The following CDH8 variants were observed in gnomAD, a reference collection of about 807,000 sequenced individuals.
CDH8 encodes cadherin-8.
A neutral mutation model predicts 68.1 loss-of-function variants in CDH8; 17 were observed. The observed-to-expected ratio is 0.25, with a 90% CI of 0.17 to 0.37. The LOEUF is 0.37. Among genes scored for constraint, CDH8 ranks in the 10% least tolerant of loss-of-function variants. The pLI, the probability that CDH8 is intolerant of heterozygous loss-of-function variation, is 1.00. For synonymous variants in CDH8, 372 were observed against 365.1 expected, an observed-to-expected ratio of 1.02 and a Z score of -0.21; for missense variants, 763 against 999.3, an observed-to-expected ratio of 0.76 and a Z score of 3.19.
chr16:61,883,762 G>A (rs1052996811), intron 3 of CDH8, among the ~76,000 whole-genome samples: 1 of 151,716 alleles, frequency 6.6e-6, no homozygotes, highest in Non-Finnish European at 1.5e-5. Flanking sequence ...ACAAGACCTC[G>A]AGAGAGTGAA....
intron 3 of CDH8, among the ~76,000 whole-genome samples, chr16:61,899,498 G>A (rs991856409): frequency 6.6e-6 from 1 of 151,904 alleles, no homozygotes; most frequent in African/African-American, 2.4e-5. Flanking sequence ...AAAAGGAAAC[G>A]GCAAGGGGAT....
chr16:61,909,754 T>C (rs546691503), intron 2 of CDH8, among the ~76,000 whole-genome samples: 1 of 152,292 alleles, frequency 6.6e-6, no homozygotes, highest in African/African-American at 2.4e-5. Context: ...TCTAGGCACC[T>C]TCTGTAAACC....
chr16:62,005,492 CT>C (rs1965959467), intron 2 of CDH8, among the ~76,000 whole-genome samples: 1 of 151,102 alleles, frequency 6.6e-6, no homozygotes, highest in African/African-American at 2.4e-5. Context: ...AATCCCAGCA[CT>C]TTGGGAGGCT....
chr16:61,755,042 A>G lies in CDH8; in HGVS notation c.1415-27827T>C, dbSNP rs1023702353. Among the ~76,000 whole-genome samples the G allele has an allele frequency of 2.0e-5, 3 of 152,178 alleles. No homozygotes were observed. The East Asian group carries it at 5.8e-4, about 29-fold the overall frequency. The stretch of plus-strand genomic sequence containing the variant: ...CAGTATTTAGTTTTCCAAGAGCAGT[A>G]TATTTTGCTTAATGTAAAATATAAT... On this transcript the variant is annotated intron_variant, in intron 8 of 11. Coordinates refer to ENST00000577390, the MANE Select transcript of CDH8 (RefSeq NM_001796.5).
chr16:61,988,636 G>A lies in CDH8; in HGVS notation c.252+32516C>T, dbSNP rs561701705. 3.3e-5 allele frequency among the ~76,000 whole-genome samples: 5 copies of A among 152,140 alleles called. No homozygotes were observed. The South Asian group carries it at 1.0e-3, about 32-fold the overall frequency. ...AAAGGTACAAGTTCAGATGATAGAGGATCCTTTACTAAATAAACACAAAAC... is the reference window on the plus strand; with the variant it reads ...AAAGGTACAAGTTCAGATGATAGAGAATCCTTTACTAAATAAACACAAAAC... On this transcript the variant is annotated intron_variant, in intron 2 of 11. Coordinates refer to ENST00000577390, the MANE Select transcript of CDH8 (RefSeq NM_001796.5).
chr16:61,827,223 A>G (rs1267654628), intron 4 of CDH8, among the ~76,000 whole-genome samples: 1 of 151,894 alleles, frequency 6.6e-6, no homozygotes, highest in Non-Finnish European at 1.5e-5. Flanking sequence ...GATTGAAAAC[A>G]TTGTTTTCCT....
chr16:61,846,601 T>G (rs549805826), intron 4 of CDH8, among the ~76,000 whole-genome samples: 18 of 152,202 alleles, frequency 1.2e-4, no homozygotes, highest in African/African-American at 2.9e-4. Flanking sequence ...ACAGAAGTGG[T>G]CAGAAAACCG....
In CDH8 at chr16:61,653,092, G is replaced by A; in HGVS notation, c.*516C>T. ...GTCACCGTACTGTATAATCTAGGAG[G>A]CCTCTCAAAACTCCAAAAAGTTATA... On this transcript the variant is annotated 3_prime_UTR_variant, in exon 12 of 12. Coordinates refer to ENST00000577390, the MANE Select transcript of CDH8 (RefSeq NM_001796.5). The A allele has an allele frequency of 7.9e-7, 1 of 1,259,590 alleles. No homozygotes were observed. Among genetic ancestry groups the A allele is most frequent in the Non-Finnish European group, 1.0e-6 (1 of 1,003,228 alleles). 78.0% of individuals were successfully genotyped at this position (1,259,590 alleles called of 1,614,324 possible).
intron 4 of CDH8, among the ~76,000 whole-genome samples, chr16:61,830,359 A>G (rs1962428368): frequency 6.6e-6 from 1 of 151,826 alleles, no homozygotes; most frequent in African/African-American, 2.4e-5. Flanking sequence ...TGAGAAGTCA[A>G]AAGTCAAAAA....
At chr16:61,803,936 A>G (rs1162990647) in intron 7 of CDH8, among the ~76,000 whole-genome samples, 1 of 130,880 alleles carries the variant, frequency 7.6e-6, no homozygotes, top group African/African-American at 3.1e-5. Context: ...AAGGATACCC[A>G]GGAATTGAAC....
At position 61,774,790 on chromosome 16, in the gene CDH8, T is replaced by G. The variant is rs374082199; in HGVS notation, c.1414+14556A>C. Among the ~76,000 whole-genome samples the G allele has an allele frequency of 6.6e-5, 10 of 152,224 alleles. No individual in the cohort carries two copies. The East Asian group carries it at 9.7e-4, about 15-fold the overall frequency. ...TATTTCTGCCCTTAGGAATTTATTT[T>G]CAAAAGCTCAACCAAATACGTATGT... On this transcript the variant is annotated intron_variant, in intron 8 of 11. Coordinates refer to ENST00000577390, the MANE Select transcript of CDH8 (RefSeq NM_001796.5).
intron 3 of CDH8, among the ~76,000 whole-genome samples, chr16:61,879,138 G>A (rs897087305): frequency 2.6e-5 from 4 of 152,072 alleles, no homozygotes; most frequent in South Asian, 4.1e-4. Flanking sequence ...TGACTGCTAA[G>A]TTATTATTCT....
At chr16:61,945,482 T>C (rs1443991047) in intron 2 of CDH8, among the ~76,000 whole-genome samples, 1 of 150,886 alleles carries the variant, frequency 6.6e-6, no homozygotes, top group Non-Finnish European at 1.5e-5. Context: ...CACTCCGATA[T>C]GTCATCTTTC....
At chr16:61,872,688 C>T (rs1445435248) in intron 3 of CDH8, among the ~76,000 whole-genome samples, 2 of 152,142 alleles carry the variant, frequency 1.3e-5, no homozygotes, top group Non-Finnish European at 2.9e-5. Flanking sequence ...GCTCCCCATT[C>T]CCATCACAGC....
intron 8 of CDH8, among the ~76,000 whole-genome samples, chr16:61,776,866 T>C (rs553747832): frequency 6.6e-6 from 1 of 152,218 alleles, no homozygotes; most frequent in South Asian, 2.1e-4. Flanking sequence ...GCTTAATACT[T>C]CAATGATGAA....
intron 8 of CDH8, among the ~76,000 whole-genome samples, chr16:61,770,113 G>C (rs566139422): frequency 3.3e-5 from 5 of 151,654 alleles, no homozygotes; most frequent in Non-Finnish European, 7.4e-5. Flanking sequence ...CCTGAGTCTC[G>C]CATGACACAT....
intron 2 of CDH8, among the ~76,000 whole-genome samples, chr16:61,912,094 C>T (rs183664007): frequency 6.6e-6 from 1 of 152,056 alleles, no homozygotes; most frequent in Admixed American, 6.6e-5. Flanking sequence ...AAATAAGTGA[C>T]AATAGCACAG....
At position 61,653,500 on chromosome 16, in the gene CDH8, G is replaced by A. The variant is rs1364020757; in HGVS notation, c.*108C>T. ...ATGTGGTTGAGTTTATAGATGACTG[G>A]TGCTAAACTTGCCTCTAAAACAAAT... On this transcript the variant is annotated 3_prime_UTR_variant, in exon 12 of 12. Coordinates refer to ENST00000577390, the MANE Select transcript of CDH8 (RefSeq NM_001796.5). 2.0e-6 allele frequency: 3 copies of A among 1,500,614 alleles called. No individual in the cohort carries two copies. The highest frequency in any genetic ancestry group is 1.4e-5 in the African/African-American group (1 of 71,178). The allele number at this position is 1,500,614 out of a possible 1,614,324, so 93.0% of individuals were successfully genotyped here.
At chr16:61,790,047 A>T (rs1477177846) in intron 7 of CDH8, among the ~76,000 whole-genome samples, 1 of 151,944 alleles carries the variant, frequency 6.6e-6, no homozygotes, top group East Asian at 1.9e-4. Flanking sequence ...TAGAAATTGG[A>T]TAGTTGTTGA....
Sources: allele counts gnomAD v4.1 joint callset (sites outside exome capture counted in the v4.1 genomes callset), GRCh38; gene constraint gnomAD v4.1.1; transcripts MANE v1.5; gene names NCBI Gene and HGNC (gene_info 2026-07-23, HGNC 2026-07-21).